LAPTM4B: variants seen among roughly 807,000 people sequenced by gnomAD.
The protein encoded by LAPTM4B is lysosomal protein transmembrane 4 beta.
In LAPTM4B, 26 loss-of-function variants were observed where a neutral mutation model predicts 28.5. The ratio of observed to expected loss-of-function variants is 0.91; its 90% CI spans 0.67 to 1.27. LAPTM4B has a LOEUF of 1.27. Among genes scored for constraint, LAPTM4B ranks in the 50% most tolerant of loss-of-function variants. The probability of loss-of-function intolerance (pLI) is 0.00; values close to 1 mark genes in which losing one functional copy is unlikely to be tolerated. For missense variants in LAPTM4B, 288 were observed against 285.8 expected, an observed-to-expected ratio of 1.01 and a Z score of -0.06; for synonymous variants, 109 against 106.4, an observed-to-expected ratio of 1.02 and a Z score of -0.15.
chr8:97,851,311 T>C, intron 6 of LAPTM4B, 86 bp from the exon 7 acceptor site: 1 of 1,050,986 alleles, frequency 9.5e-7, no homozygotes, highest in Non-Finnish European at 1.5e-6. Flanking sequence ...ACATGTTTAG[T>C]TGCATAAAAG....
intron 1 of LAPTM4B, among the ~76,000 whole-genome samples, chr8:97,797,108 T>G (rs1816597350): frequency 6.6e-6 from 1 of 150,446 alleles, no homozygotes; most frequent in Non-Finnish European, 1.5e-5. Context: ...AATAAAAAAC[T>G]AGATATTAAT....
chr8:97,822,387 A>C (rs1817017787), intron 5 of LAPTM4B, among the ~76,000 whole-genome samples: 1 of 151,974 alleles, frequency 6.6e-6, no homozygotes, highest in Non-Finnish European at 1.5e-5. Flanking sequence ...CATTACCAGA[A>C]ACTCGAAGCT....
chr8:97,811,537 G>A (rs970322363), intron 2 of LAPTM4B, among the ~76,000 whole-genome samples: 1 of 152,138 alleles, frequency 6.6e-6, no homozygotes, highest in Non-Finnish European at 1.5e-5. Context: ...CTGAGAAATA[G>A]GAAACAGCAA....
intron 6 of LAPTM4B, among the ~76,000 whole-genome samples, chr8:97,848,998 A>G (rs1817471998): frequency 6.6e-6 from 1 of 152,222 alleles, no homozygotes; most frequent in African/African-American, 2.4e-5. Flanking sequence ...GATACTGGCT[A>G]GAACTTGTCA....
chr8:97,829,248 A>G (rs1231751078), intron 6 of LAPTM4B, among the ~76,000 whole-genome samples: 1 of 152,172 alleles, frequency 6.6e-6, no homozygotes, highest in African/African-American at 2.4e-5. Flanking sequence ...ATTCACTGTT[A>G]TTTATAAGAC....
At chr8:97,841,562 A>G (rs59319651) in intron 6 of LAPTM4B, among the ~76,000 whole-genome samples, 25,782 of 152,204 alleles carry the variant, frequency 0.17, 2,271 homozygotes, top group East Asian at 0.23. Flanking sequence ...TTCTGACCTC[A>G]GGTGATCCAC....
intron 2 of LAPTM4B, among the ~76,000 whole-genome samples, chr8:97,812,202 A>ATT (rs1163406588): frequency 1.8e-5 from 2 of 109,180 alleles, no homozygotes; most frequent in Non-Finnish European, 3.7e-5. Flanking sequence ...TAAATTAATT[A>ATT]TTTGTTTTTT....
intron 1 of LAPTM4B, among the ~76,000 whole-genome samples, chr8:97,800,248 A>T (rs1266264234): frequency 6.6e-6 from 1 of 152,176 alleles, no homozygotes; most frequent in African/African-American, 2.4e-5. Context: ...CTAGGGACTG[A>T]GAGTGCGGGG....
At chr8:97,822,690 A>G (rs973712690) in intron 5 of LAPTM4B, among the ~76,000 whole-genome samples, 1 of 152,212 alleles carries the variant, frequency 6.6e-6, no homozygotes, top group Non-Finnish European at 1.5e-5. Context: ...TTTTGAATGC[A>G]CTTAATTTTT....
At position 97,797,111 on chromosome 8, in the gene LAPTM4B, A is replaced by G. The variant is rs186710527; in HGVS notation, c.100-8242A>G. ...GATCCTGTCTCAAATAAAAAACTAG[A>G]TATTAATAATAAAATTGGAATTACA... On this transcript the variant is annotated intron_variant, in intron 1 of 6. Coordinates refer to ENST00000521545, the MANE Select transcript of LAPTM4B (RefSeq NM_018407.6). Among the ~76,000 whole-genome samples the G allele has an allele frequency of 1.3e-4, 19 of 149,450 alleles. 1 individual carries two copies. The East Asian group carries it at 3.5e-3, about 28-fold the overall frequency.
intron 6 of LAPTM4B, among the ~76,000 whole-genome samples, chr8:97,849,896 C>T (rs972389479): frequency 2.7e-5 from 4 of 148,910 alleles, no homozygotes; most frequent in Admixed American, 2.6e-4. Context: ...CCAGTGCGAG[C>T]GGAGACAGCG....
chr8:97,804,625 A>G lies in LAPTM4B; in HGVS notation c.100-728A>G, dbSNP rs1333726338. ...GCTTAAGAGAGATTCCACATAAAGC[A>G]CTTAGCATAGTGCCTGAATGTTTTT... On this transcript the variant is annotated intron_variant, in intron 1 of 6. Coordinates refer to ENST00000521545, the MANE Select transcript of LAPTM4B (RefSeq NM_018407.6). 2.0e-5 allele frequency among the ~76,000 whole-genome samples: 3 copies of G among 152,368 alleles called. No individual in the cohort carries two copies. In the East Asian group the frequency reaches 5.8e-4, roughly 29 times the overall value.
chr8:97,820,306 T>TTC (rs1262381963), intron 5 of LAPTM4B, among the ~76,000 whole-genome samples: 7 of 144,692 alleles, frequency 4.8e-5, no homozygotes, highest in African/African-American at 1.8e-4. Context: ...CTTTCTTTCT[T>TTC]TTTTTTTTTT....
At chr8:97,777,400 A>C (rs1265053707) in intron 1 of LAPTM4B, among the ~76,000 whole-genome samples, 1 of 151,252 alleles carries the variant, frequency 6.6e-6, no homozygotes, top group Non-Finnish European at 1.5e-5. Flanking sequence ...CCCGCCTTGG[A>C]CTCCCAAAGT....
At chr8:97,840,298 G>A (rs374539620) in intron 6 of LAPTM4B, among the ~76,000 whole-genome samples, 45 of 152,226 alleles carry the variant, frequency 3.0e-4, no homozygotes, top group African/African-American at 8.9e-4. Flanking sequence ...AAATATTTGC[G>A]GTGTGAATTC....
intron 6 of LAPTM4B, among the ~76,000 whole-genome samples, chr8:97,829,987 G>T (rs560641276): frequency 3.3e-5 from 5 of 152,092 alleles, no homozygotes; most frequent in Non-Finnish European, 7.4e-5. Flanking sequence ...GAGCCACCGC[G>T]CCCAGCCCCT....
chr8:97,832,002 A>C (rs1411255755), intron 6 of LAPTM4B, among the ~76,000 whole-genome samples: 1 of 152,130 alleles, frequency 6.6e-6, no homozygotes, highest in East Asian at 1.9e-4. Flanking sequence ...TTGTGGTATG[A>C]GAGCAGAGGA....
chr8:97,799,295 TTGG>T (rs1201480522), intron 1 of LAPTM4B, among the ~76,000 whole-genome samples: 1 of 152,184 alleles, frequency 6.6e-6, no homozygotes, highest in Admixed American at 6.6e-5. Context: ...AAGATCTTAA[TTGG>T]CTTTCTAGAA....
Position 97,849,714 on chromosome 8 carries a change from GCCTTGCAGATACTCCTCCTTCA to G in LAPTM4B, c.604-1679_604-1658del, listed in dbSNP as rs549742491. Among the ~76,000 whole-genome samples the G allele has an allele frequency of 5.9e-5, 9 of 152,296 alleles. 1 individual carries two copies. In the South Asian group the frequency reaches 1.9e-3, roughly 32 times the overall value. On this transcript the variant is annotated intron_variant, in intron 6 of 6. Coordinates refer to ENST00000521545, the MANE Select transcript of LAPTM4B (RefSeq NM_018407.6). ...TCCCATTTAGCTTGACATGGGCTGG[GCCTTGCAGATACTCCTCCTTCA>G]CCTCCTGACCCTGTTCAGCCAGGCC... is the stretch of plus-strand genomic sequence containing the variant.
Sources: allele counts gnomAD v4.1 joint callset (sites outside exome capture counted in the v4.1 genomes callset), GRCh38; gene constraint gnomAD v4.1.1; transcripts MANE v1.5; gene names NCBI Gene and HGNC (gene_info 2026-07-23, HGNC 2026-07-21).